Variants in BACE2 observed in about 807,000 individuals in gnomAD.
BACE2 encodes beta-secretase 2, also known as 56 kDa aspartic-like protease.
A neutral mutation model predicts 46.2 loss-of-function variants in BACE2; 17 were observed. That is an observed-to-expected ratio of 0.37 (90% confidence interval 0.25 to 0.55). The LOEUF is 0.55. Ranked by LOEUF, BACE2 falls within the 20% of genes least tolerant of loss-of-function variation. BACE2 has a pLI of 0.82. For synonymous variants in BACE2, 277 were observed against 295.9 expected (o/e 0.94, Z 0.66); for missense variants, 595 against 698.1 (o/e 0.85, Z 1.66).
intron 7 of BACE2, among the ~76,000 whole-genome samples, chr21:41,255,521 G>C (rs1185836711): frequency 6.6e-6 from 1 of 152,226 alleles, no homozygotes; most frequent in African/African-American, 2.4e-5. Context: ...GAAGTGATTA[G>C]TGGTCAGCAG....
intron 2 of BACE2, among the ~76,000 whole-genome samples, chr21:41,233,910 G>A (rs1041224949): frequency 2.0e-5 from 3 of 152,198 alleles, no homozygotes; most frequent in Non-Finnish European, 4.4e-5. Context: ...GCAGTGAGCT[G>A]AGATGGCAGC....
chr21:41,231,000 A>G (rs1243679941), intron 2 of BACE2, among the ~76,000 whole-genome samples: 2 of 152,090 alleles, frequency 1.3e-5, no homozygotes, highest in Admixed American at 1.3e-4. Flanking sequence ...ATGTCTCCTT[A>G]CTTCTGTACT....
chr21:41,182,592 C>A (rs1985177122), intron 1 of BACE2: 1 of 167,072 alleles, frequency 6.0e-6, no homozygotes, highest in African/African-American at 2.4e-5. Context: ...CACATAAAAT[C>A]CATAGACAAA....
intron 7 of BACE2, among the ~76,000 whole-genome samples, chr21:41,255,167 C>T (rs1987746681): frequency 6.6e-6 from 1 of 152,212 alleles, no homozygotes; most frequent in Non-Finnish European, 1.5e-5. Context: ...TTGGGGGGAA[C>T]AGCCAGCATT....
chr21:41,228,859 C>T (rs957610125), intron 2 of BACE2, among the ~76,000 whole-genome samples: 8 of 152,174 alleles, frequency 5.3e-5, no homozygotes, highest in African/African-American at 1.4e-4. Flanking sequence ...GAATCAGCTT[C>T]CCTGGATTTC....
chr21:41,171,007 C>G (rs1200324996), intron 1 of BACE2, among the ~76,000 whole-genome samples: 6 of 152,096 alleles, frequency 3.9e-5, no homozygotes, highest in Non-Finnish European at 7.4e-5. Flanking sequence ...GAGGGAGGGC[C>G]AAAAATGGAA....
chr21:41,196,481 G>C (rs1311313216), intron 1 of BACE2, among the ~76,000 whole-genome samples: 1 of 151,758 alleles, frequency 6.6e-6, no homozygotes, highest in African/African-American at 2.4e-5. Context: ...GGGACTGGTT[G>C]ATTAAACTAT....
chr21:41,236,294 G>C (rs1465207929), intron 2 of BACE2, among the ~76,000 whole-genome samples: 5 of 152,126 alleles, frequency 3.3e-5, no homozygotes, highest in African/African-American at 9.7e-5. Context: ...CTTCATTCAG[G>C]TCTCATGCAA....
chr21:41,270,715 A>G (rs9808711), intron 8 of BACE2, among the ~76,000 whole-genome samples: 126,686 of 152,218 alleles, frequency 0.83, 52,953 homozygotes, highest in East Asian at 0.99. Flanking sequence ...ATTGAAACTT[A>G]TTTCATTGTC....
intron 1 of BACE2, among the ~76,000 whole-genome samples, chr21:41,174,468 G>A (rs1049127818): frequency 1.3e-5 from 2 of 152,102 alleles, no homozygotes; most frequent in Admixed American, 6.5e-5. Flanking sequence ...GTGGTGGTAC[G>A]TAGCTGCATT....
chr21:41,270,494 G>T (rs1227426997), intron 8 of BACE2, among the ~76,000 whole-genome samples: 1 of 152,068 alleles, frequency 6.6e-6, no homozygotes, highest in African/African-American at 2.4e-5. Flanking sequence ...ATAGTTCATT[G>T]CAGCCTCCAT....
At chr21:41,255,673 G>A (rs538307683) in intron 7 of BACE2, among the ~76,000 whole-genome samples, 90 of 152,320 alleles carry the variant, frequency 5.9e-4, no homozygotes, top group African/African-American at 1.9e-3. Context: ...CCTGAGCCAT[G>A]TGAAGTCCTC....
chr21:41,202,142 G>A (rs540232977), intron 1 of BACE2, among the ~76,000 whole-genome samples: 102 of 152,306 alleles, frequency 6.7e-4, no homozygotes, highest in Admixed American at 8.5e-4. Context: ...AGGCATGACC[G>A]TAGTGAGCTG....
At chr21:41,266,425 T>C (rs1039515876) in intron 8 of BACE2, among the ~76,000 whole-genome samples, 4 of 152,208 alleles carry the variant, frequency 2.6e-5, no homozygotes, top group Non-Finnish European at 5.9e-5. Flanking sequence ...TCCAAGAGAG[T>C]GCAGTGTGCC....
At chr21:41,254,425 T>C (rs943568672) in intron 7 of BACE2, among the ~76,000 whole-genome samples, 1 of 152,132 alleles carries the variant, frequency 6.6e-6, no homozygotes, top group Non-Finnish European at 1.5e-5. Flanking sequence ...GGCCCAGGAC[T>C]CTGTGTATTC....
intron 1 of BACE2, chr21:41,179,223 T>G (rs1984984727): frequency 8.0e-7 from 1 of 1,242,480 alleles, no homozygotes; most frequent in African/African-American, 2.0e-5. Context: ...GTGTCCAGGA[T>G]GAGGAGTGAG....
rs141428924 is a variant in BACE2, at chr21:41,198,061, G to A, written c.313-28205G>A. ...GGCTGGAGTGCAGTGGTGCAATCTC[G>A]GCTCACTGCAGCCTCTGCCTCCTGG... On this transcript the variant is annotated intron_variant, in intron 1 of 8. Transcript: ENST00000330333. Among the ~76,000 whole-genome samples, 223 of 152,040 alleles carry A rather than the reference G, an allele frequency of 1.5e-3. 2 individuals carry two copies. The East Asian group carries it at 0.024, about 16-fold the overall frequency.
intron 7 of BACE2, among the ~76,000 whole-genome samples, chr21:41,251,451 A>G (rs1275353367): frequency 2.0e-5 from 3 of 152,202 alleles, no homozygotes; most frequent in African/African-American, 7.2e-5. Flanking sequence ...AGACCTGGAG[A>G]CATTTTTGTC....
At chr21:41,169,377 TTC>T (rs1361293803) in intron 1 of BACE2, among the ~76,000 whole-genome samples, 1 of 151,984 alleles carries the variant, frequency 6.6e-6, no homozygotes, top group Admixed American at 6.6e-5. Context: ...AGCTTTCCTT[TTC>T]TCTTACTCTG....
Sources: allele counts gnomAD v4.1 joint callset (sites outside exome capture counted in the v4.1 genomes callset), GRCh38; gene constraint gnomAD v4.1.1; transcripts MANE v1.5; gene names NCBI Gene and HGNC (gene_info 2026-07-23, HGNC 2026-07-21).